Variants in MIPOL1 observed in about 807,000 individuals in gnomAD.
The protein encoded by MIPOL1 is mirror-image polydactyly gene 1 protein.
Under a neutral mutation model 60.9 loss-of-function variants are expected in MIPOL1, and 57 were observed. The observed-to-expected ratio is 0.94, with a 90% CI of 0.76 to 1.17. The LOEUF is 1.17. Among genes scored for constraint, MIPOL1 ranks in the 50% most tolerant of loss-of-function variants. MIPOL1 has a pLI of 0.00. For synonymous variants in MIPOL1, 179 were observed against 168.8 expected (o/e 1.06, Z -0.47); for missense variants, 551 against 511.6 (o/e 1.08, Z -0.74).
intron 1 of MIPOL1, among the ~76,000 whole-genome samples, chr14:37,226,027 C>A (rs1399161553): frequency 6.6e-6 from 1 of 152,158 alleles, no homozygotes; most frequent in Admixed American, 6.5e-5. Context: ...ATTCCAGTTC[C>A]CAACAAGTTT....
intron 7 of MIPOL1, among the ~76,000 whole-genome samples, chr14:37,294,741 G>A (rs1319511981): frequency 6.6e-6 from 1 of 152,106 alleles, no homozygotes; most frequent in East Asian, 1.9e-4. Context: ...AATGAAGTGT[G>A]AAGAGAAGTT....
chr14:37,394,337 C>G (rs112326342), intron 10 of MIPOL1, among the ~76,000 whole-genome samples: 1 of 151,694 alleles, frequency 6.6e-6, no homozygotes. Context: ...GGAATTTTCA[C>G]GCTGTTTTCC....
intron 9 of MIPOL1, among the ~76,000 whole-genome samples, chr14:37,347,530 G>A (rs2091029545): frequency 6.6e-6 from 1 of 152,080 alleles, no homozygotes; most frequent in Non-Finnish European, 1.5e-5. Flanking sequence ...TTCAAAATGG[G>A]AGCAAGATAA....
intron 1 of MIPOL1, among the ~76,000 whole-genome samples, chr14:37,240,113 A>G (rs1448593958): frequency 1.3e-5 from 2 of 152,148 alleles, no homozygotes; most frequent in African/African-American, 2.4e-5. Context: ...TTGTCATTAC[A>G]TGTTTAAAAC....
At chr14:37,437,615 A>G (rs1337363047) in intron 11 of MIPOL1, among the ~76,000 whole-genome samples, 3 of 152,150 alleles carry the variant, frequency 2.0e-5, no homozygotes, top group African/African-American at 7.2e-5. Context: ...CAGTGTTTTA[A>G]TTCAGAGCTA....
At chr14:37,528,054 G>C (rs1046764112) in intron 12 of MIPOL1, among the ~76,000 whole-genome samples, 1 of 151,908 alleles carries the variant, frequency 6.6e-6, no homozygotes, top group Admixed American at 6.6e-5. Flanking sequence ...GTGATCAAAA[G>C]AAATATTAAT....
At chr14:37,487,896 G>A (rs1381744110) in intron 11 of MIPOL1, among the ~76,000 whole-genome samples, 2 of 152,042 alleles carry the variant, frequency 1.3e-5, no homozygotes, top group Non-Finnish European at 2.9e-5. Flanking sequence ...GTTTGCTCTT[G>A]CTTCTCTAGT....
intron 1 of MIPOL1, among the ~76,000 whole-genome samples, chr14:37,242,419 G>A (rs553064881): frequency 8.5e-4 from 129 of 152,076 alleles, no homozygotes; most frequent in African/African-American, 3.0e-3. Flanking sequence ...TGTTTTGACC[G>A]AGGATATATT....
At position 37,267,041 on chromosome 14, in the gene MIPOL1, A is replaced by G. The variant is rs772777157; in HGVS notation, c.123A>G (p.Lys41=). 6.2e-6 allele frequency: 10 copies of G among 1,613,914 alleles called. No homozygotes were observed. In the Admixed American group the frequency reaches 1.5e-4, roughly 24 times the overall value. ...ATTCTGAGAAAAGTATGCATCGGAA[A>G]TCCACTGAATTAGTTAATGAAATAA... ...TMNSEKSMHR[K]STELVNEITC... The change falls in exon 4 of 13, where the codon AAA becomes AAG. Residue 41 remains lysine, a synonymous_variant. Coordinates refer to ENST00000684589, the MANE Select transcript of MIPOL1 (RefSeq NM_001388067.1).
At chr14:37,337,773 T>C (rs896840313) in intron 9 of MIPOL1, among the ~76,000 whole-genome samples, 7 of 152,158 alleles carry the variant, frequency 4.6e-5, no homozygotes, top group Admixed American at 3.9e-4. Context: ...TATATATTCT[T>C]GATACAAGTT....
At chr14:37,306,158 A>G (rs2086771247) in intron 7 of MIPOL1, among the ~76,000 whole-genome samples, 1 of 151,910 alleles carries the variant, frequency 6.6e-6, no homozygotes, top group Non-Finnish European at 1.5e-5. Flanking sequence ...GAAAGCTGTT[A>G]ATTTAAAACG....
intron 11 of MIPOL1, among the ~76,000 whole-genome samples, chr14:37,497,715 A>C (rs1269219318): frequency 2.0e-5 from 3 of 152,220 alleles, no homozygotes; most frequent in Non-Finnish European, 4.4e-5. Context: ...CAATACGAAG[A>C]GAATGAAACA....
intron 9 of MIPOL1, among the ~76,000 whole-genome samples, chr14:37,340,710 T>G (rs912518572): frequency 2.6e-5 from 4 of 151,452 alleles, no homozygotes; most frequent in Admixed American, 1.3e-4. Context: ...AAAAAAAAAG[T>G]TACAGTAAAC....
At chr14:37,307,027 A>G (rs1458301537) in intron 7 of MIPOL1, among the ~76,000 whole-genome samples, 5 of 151,932 alleles carry the variant, frequency 3.3e-5, no homozygotes, top group Admixed American at 3.3e-4. Context: ...ACTAAGTTCT[A>G]AAAGTACTAC....
chr14:37,358,937 G>C (rs796353206), intron 9 of MIPOL1, among the ~76,000 whole-genome samples: 1 of 152,034 alleles, frequency 6.6e-6, no homozygotes, highest in South Asian at 2.1e-4. Context: ...GTATTGCCTA[G>C]GTTTTCTTCT....
chr14:37,471,669 C>T (rs185684453), intron 11 of MIPOL1, among the ~76,000 whole-genome samples: 1 of 152,204 alleles, frequency 6.6e-6, no homozygotes, highest in East Asian at 1.9e-4. Flanking sequence ...GTGATCTGAT[C>T]CCAACCACTT....
chr14:37,257,886 G>C (rs189051802), intron 3 of MIPOL1, among the ~76,000 whole-genome samples: 1 of 152,252 alleles, frequency 6.6e-6, no homozygotes, highest in African/African-American at 2.4e-5. Context: ...ATAAATGCCT[G>C]CAACAATCCA....
intron 3 of MIPOL1, among the ~76,000 whole-genome samples, chr14:37,260,751 G>A (rs2082467030): frequency 6.6e-6 from 1 of 152,064 alleles, no homozygotes; most frequent in Non-Finnish European, 1.5e-5. Flanking sequence ...AGCCCTGAGA[G>A]AGCTAGTATA....
chr14:37,221,742 A>G lies in MIPOL1; in HGVS notation c.-199+23638A>G, dbSNP rs188501986. On this transcript the variant is annotated intron_variant, in intron 1 of 12. Coordinates refer to ENST00000684589, the MANE Select transcript of MIPOL1 (RefSeq NM_001388067.1). ...TTCCATGAACTAATTACCTTCCACA[A>G]GGACCCTCCTCCAACACTGAGGATT... Among the ~76,000 whole-genome samples, 319 of 152,282 alleles carry G rather than the reference A, an allele frequency of 2.1e-3. 4 individuals carry two copies. Among genetic ancestry groups the G allele is most frequent in the South Asian group, 0.019 (93 of 4,826 alleles).
Sources: gnomAD v4.1 joint callset for allele counts (sites outside exome capture counted in the v4.1 genomes callset) on GRCh38, gnomAD v4.1.1 for gene constraint, MANE v1.5 for transcripts, NCBI Gene and HGNC (gene_info 2026-07-23, HGNC 2026-07-21) for gene names.